Variants in PHACTR1 observed in about 807,000 individuals in gnomAD.
PHACTR1 encodes phosphatase and actin regulator 1.
Under a neutral mutation model 69.2 loss-of-function variants are expected in PHACTR1, and 16 were observed. The ratio of observed to expected loss-of-function variants is 0.23; its 90% CI spans 0.16 to 0.35. The LOEUF is 0.35. Among genes scored for constraint, PHACTR1 ranks in the 10% least tolerant of loss-of-function variants. The probability of loss-of-function intolerance (pLI) is 1.00; values close to 1 mark genes in which losing one functional copy is unlikely to be tolerated. For synonymous variants in PHACTR1, 312 were observed against 284.5 expected, an observed-to-expected ratio of 1.10 and a Z score of -0.97; for missense variants, 510 against 734.7, an observed-to-expected ratio of 0.69 and a Z score of 3.54.
intron 4 of PHACTR1, among the ~76,000 whole-genome samples, chr6:12,920,141 T>C (rs1388379889): frequency 6.6e-6 from 1 of 152,234 alleles, no homozygotes; most frequent in African/African-American, 2.4e-5. Flanking sequence ...AACAGATAAA[T>C]ATCTGCTCAA....
rs372429656 is a variant in PHACTR1, at chr6:13,041,341, C to CAT, written c.251-12023_251-12022insTA. On this transcript the variant is annotated intron_variant, in intron 4 of 14. Transcript: ENST00000332995. ...CCACTGGTGGTAATTAAAATACATA[C>CAT]ACACACACACACACACACACACACA... is the stretch of plus-strand genomic sequence containing the variant. Among the ~76,000 whole-genome samples the CAT allele has an allele frequency of 8.5e-3, 1,096 of 128,724 alleles. 21 individuals carry two copies. Among genetic ancestry groups the CAT allele is most frequent in the African/African-American group, 0.032 (1,026 of 32,410 alleles). 84.4% of individuals were successfully genotyped at this position (128,724 alleles called of 152,430 possible).
At chr6:12,718,950 AC>A in intron 3 of PHACTR1, 103 bp downstream of exon 3, 1 of 583,642 alleles carries the variant, frequency 1.7e-6, no homozygotes, top group Non-Finnish European at 2.8e-6. Flanking sequence ...AAGTTTAATA[AC>A]CGGTATTTCT....
At chr6:13,090,333 A>AC (rs1282903600) in intron 5 of PHACTR1, among the ~76,000 whole-genome samples, 1 of 151,526 alleles carries the variant, frequency 6.6e-6, no homozygotes, top group Non-Finnish European at 1.5e-5. Flanking sequence ...GGCATGAGCC[A>AC]CCCCACCCCA....
intron 4 of PHACTR1, among the ~76,000 whole-genome samples, chr6:12,829,996 G>GAGAGAGAT (rs58523717): frequency 1.4e-5 from 2 of 140,032 alleles, no homozygotes; most frequent in African/African-American, 5.4e-5. Context: ...GAGAGAGAGA[G>GAGAGAGAT]AACGAAAAGA....
At chr6:13,015,862 T>C (rs1185872400) in intron 4 of PHACTR1, among the ~76,000 whole-genome samples, 1 of 152,252 alleles carries the variant, frequency 6.6e-6, no homozygotes, top group Non-Finnish European at 1.5e-5. Flanking sequence ...TATCACCTGA[T>C]AGGATTATTT....
intron 4 of PHACTR1, among the ~76,000 whole-genome samples, chr6:12,846,006 G>A (rs1779219310): frequency 6.6e-6 from 1 of 152,184 alleles, no homozygotes; most frequent in African/African-American, 2.4e-5. Context: ...TAATTTGTTT[G>A]CAGTTAGCAA....
At chr6:13,089,054 C>T (rs1472398075) in intron 5 of PHACTR1, among the ~76,000 whole-genome samples, 3 of 152,186 alleles carry the variant, frequency 2.0e-5, no homozygotes, top group Non-Finnish European at 4.4e-5. Context: ...GTCTCCTTTA[C>T]CTTCTCTGTC....
Position 12,790,233 on chromosome 6 carries a change from C to T in PHACTR1, c.250+40443C>T, listed in dbSNP as rs571092405. Among the ~76,000 whole-genome samples the T allele has an allele frequency of 5.3e-5, 8 of 152,212 alleles. No individual in the cohort carries two copies. The South Asian group carries it at 1.5e-3, about 28-fold the overall frequency. On this transcript the variant is annotated intron_variant, in intron 4 of 14. Coordinates refer to ENST00000332995, the MANE Select transcript of PHACTR1 (RefSeq NM_030948.6). ...CAAAATCCTGACATGACCTCAAGGC[C>T]CTTCATAATCTAGGAGCTTATTAAC... is the stretch of plus-strand genomic sequence containing the variant.
intron 4 of PHACTR1, among the ~76,000 whole-genome samples, chr6:12,801,924 G>A (rs985454998): frequency 1.3e-5 from 2 of 151,948 alleles, no homozygotes; most frequent in Middle Eastern, 3.4e-3. Flanking sequence ...TAAATAAATT[G>A]TCAGACATTG....
intron 4 of PHACTR1, among the ~76,000 whole-genome samples, chr6:12,978,841 T>C (rs1469402749): frequency 6.6e-6 from 1 of 152,202 alleles, no homozygotes; most frequent in African/African-American, 2.4e-5. Context: ...TAACAAGTTA[T>C]GAAACTCAAA....
At chr6:13,207,000 G>A (rs1333138855) in intron 8 of PHACTR1, among the ~76,000 whole-genome samples, 1 of 152,060 alleles carries the variant, frequency 6.6e-6, no homozygotes, top group Non-Finnish European at 1.5e-5. Flanking sequence ...TCAAGGACCT[G>A]CTGTATATCC....
intron 8 of PHACTR1, among the ~76,000 whole-genome samples, chr6:13,224,255 G>T (rs761626719): frequency 2.6e-5 from 4 of 152,156 alleles, no homozygotes; most frequent in Non-Finnish European, 5.9e-5. Context: ...GATGATCATG[G>T]TTTTCACCCT....
chr6:12,945,068 G>A lies in PHACTR1; in HGVS notation c.251-108297G>A, dbSNP rs571354036. 2.0e-5 allele frequency among the ~76,000 whole-genome samples: 3 copies of A among 151,860 alleles called. No homozygotes were observed. In the East Asian group the frequency reaches 5.8e-4, roughly 29 times the overall value. ...AAGTGCTGGGATTACAGGCATGAGAGTTAAGATTTCTTTTACTCCCTCAGA... is the reference window on the plus strand; with the variant it reads ...AAGTGCTGGGATTACAGGCATGAGAATTAAGATTTCTTTTACTCCCTCAGA... On this transcript the variant is annotated intron_variant, in intron 4 of 14. Transcript: ENST00000332995.
intron 4 of PHACTR1, among the ~76,000 whole-genome samples, chr6:13,023,843 G>A (rs1047829477): frequency 3.9e-5 from 6 of 152,236 alleles, no homozygotes; most frequent in Non-Finnish European, 7.3e-5. Context: ...TTGAGAGGCC[G>A]AAGCAGGCAG....
chr6:13,193,181 T>C (rs764305322), intron 7 of PHACTR1, among the ~76,000 whole-genome samples: 41 of 147,960 alleles, frequency 2.8e-4, no homozygotes, highest in Middle Eastern at 3.2e-3. Flanking sequence ...AACATCATTG[T>C]AAATGCAAAA....
intron 4 of PHACTR1, among the ~76,000 whole-genome samples, chr6:13,038,232 G>A (rs1803622889): frequency 6.6e-6 from 1 of 152,066 alleles, no homozygotes; most frequent in Admixed American, 6.5e-5. Flanking sequence ...TAAAAACTTG[G>A]CTGGTGTTAC....
chr6:13,188,400 G>A (rs1763087815), intron 7 of PHACTR1, among the ~76,000 whole-genome samples: 1 of 152,210 alleles, frequency 6.6e-6, no homozygotes, highest in Non-Finnish European at 1.5e-5. Flanking sequence ...AATAAACTAA[G>A]AATTCTAGAA....
intron 4 of PHACTR1, among the ~76,000 whole-genome samples, chr6:12,846,770 TAC>T (rs1779321224): frequency 6.6e-6 from 1 of 151,660 alleles, no homozygotes; most frequent in African/African-American, 2.4e-5. Flanking sequence ...TAATTGCAAC[TAC>T]AGTTTATATA....
intron 5 of PHACTR1, among the ~76,000 whole-genome samples, chr6:13,157,711 G>A (rs1199488568): frequency 6.6e-6 from 1 of 152,102 alleles, no homozygotes; most frequent in Non-Finnish European, 1.5e-5. Context: ...AGAGAAATCC[G>A]TTTTATTTAT....
Sources: gnomAD v4.1 joint callset for allele counts (sites outside exome capture counted in the v4.1 genomes callset) on GRCh38, gnomAD v4.1.1 for gene constraint, MANE v1.5 for transcripts, NCBI Gene and HGNC (gene_info 2026-07-23, HGNC 2026-07-21) for gene names.